The following LACRT variants were observed in gnomAD, a reference collection of about 807,000 sequenced individuals.
LACRT encodes lacritin.
In LACRT, 14 loss-of-function variants were observed where a neutral mutation model predicts 14.5. The ratio of observed to expected loss-of-function variants is 0.96; its 90% CI spans 0.64 to 1.51. The LOEUF (loss-of-function observed/expected upper bound fraction) is 1.51, where lower values mean the gene tolerates loss of function less well. Ranked by LOEUF, LACRT falls within the 40% of genes most tolerant of loss-of-function variation. The pLI is 0.00. For missense variants in LACRT, 156 were observed against 161.8 expected (o/e 0.96, Z 0.19); for synonymous variants, 70 against 63.5 (o/e 1.10, Z -0.48).
rs200172407 is a variant in LACRT, at chr12:54,631,814, T to A, written c.279A>T (p.Leu93Phe). The A allele has an allele frequency of 6.2e-7, 1 of 1,613,628 alleles. No homozygotes were observed. The highest frequency in any genetic ancestry group is 2.2e-5 in the East Asian group (1 of 44,876). Residue 93 changes from leucine to phenylalanine, a missense_variant, in exon 4 of 5, where the codon TTA (leucine) becomes TTT (phenylalanine). Leu to Phe is a conservative substitution (Grantham distance 22). Transcript: ENST00000257867. ...CTTTTGCAAGGGCTTGTTCTGTTAGTAAGATACTTTTCTCCACTATGGATT... is the reference window on the plus strand; with the variant it reads ...CTTTTGCAAGGGCTTGTTCTGTTAGAAAGATACTTTTCTCCACTATGGATT... ...PLKSIVEKSI[L>F]LTEQALAKAG...
At chr12:54,633,281 C>T (rs777806938) in intron 1 of LACRT, 48 bp from the exon 2 acceptor site, 13 of 1,536,968 alleles carry the variant, frequency 8.5e-6, no homozygotes, top group Admixed American at 1.7e-5. Context: ...CGAACCGGAC[C>T]TACTCGAGCC....
intron 4 of LACRT, 28 bp from the exon 5 acceptor site, chr12:54,630,981 C>A (rs1958148869): frequency 6.8e-7 from 1 of 1,461,692 alleles, no homozygotes; most frequent in Non-Finnish European, 9.6e-7. Context: ...ACAAATGAGG[C>A]TTTTAGGACC....
intron 4 of LACRT, 114 bp from the exon 5 acceptor site, chr12:54,631,067 G>A (rs1011408739): frequency 1.3e-5 from 9 of 694,192 alleles, no homozygotes; most frequent in Non-Finnish European, 2.3e-5. Context: ...ACTCTGGAGA[G>A]GCTTACACAG....
chr12:54,633,219 C>T lies in LACRT; in HGVS notation c.73G>A (p.Asp25Asn), dbSNP rs1340727996. 6 of 1,613,898 alleles carry T rather than the reference C, an allele frequency of 3.7e-6. No homozygotes were observed. The highest frequency in any genetic ancestry group is 4.2e-6 in the Non-Finnish European group (5 of 1,179,912). The change falls in exon 2 of 5, where the codon GAC becomes AAC. Residue 25 changes from aspartate to asparagine, a missense_variant. Physicochemically the swap from Asp to Asn is conservative, Grantham distance 23. Transcript: ENST00000257867. ...ALVYAEDASS[D>N]STGADPAQEA... ...TGGGCAGGATCAGCACCCGTCGAGT[C>T]AGAGGAGGCATCTTCTGCAATGGGG...
intron 3 of LACRT, 196 bp downstream of exon 3, chr12:54,632,045 T>G (rs1417246254): frequency 2.9e-6 from 2 of 685,410 alleles, no homozygotes; most frequent in African/African-American, 1.8e-5. Context: ...AACCATGTAT[T>G]GTGCAGGCTG....
At chr12:54,632,106 AT>A in intron 3 of LACRT, 134 bp downstream of exon 3, 2 of 986,822 alleles carry the variant, frequency 2.0e-6, no homozygotes, top group Non-Finnish European at 3.1e-6. Context: ...GCACAATCCC[AT>A]TTGTGCCTTT....
chr12:54,633,335 A>C (rs1274606115), intron 1 of LACRT, 102 bp from the exon 2 acceptor site: 1 of 1,042,114 alleles, frequency 9.6e-7, no homozygotes, highest in Non-Finnish European at 1.5e-6. Context: ...GGGAATGCTC[A>C]TGGATAGAAG....
At chr12:54,632,960 C>T (rs1053258247) in intron 2 of LACRT, among the ~76,000 whole-genome samples, 11 of 152,074 alleles carry the variant, frequency 7.2e-5, no homozygotes, top group Non-Finnish European at 5.9e-5. Flanking sequence ...CCCCATGCTC[C>T]CTATTGTCCT....
Position 54,633,227 on chromosome 12 carries a change from G to A in LACRT, c.65C>T (p.Ala22Val). The part of the protein sequence containing the change: ...VAGALVYAED[A>V]SSDSTGADPA... ...ATCAGCACCCGTCGAGTCAGAGGAG[G>A]CATCTTCTGCAATGGGGGAAACATG... The change falls in exon 2 of 5, where the codon GCC (alanine) becomes GTC (valine). Residue 22 changes from alanine to valine, a missense_variant. Ala to Val is a moderately conservative substitution (Grantham distance 64). Transcript: ENST00000257867. 1 of 1,613,752 alleles carries A rather than the reference G, an allele frequency of 6.2e-7. No individual in the cohort carries two copies. Among genetic ancestry groups the A allele is most frequent in the African/African-American group, 1.3e-5 (1 of 75,002 alleles).
In LACRT at chr12:54,630,975, A is replaced by G. The variant is rs201574288; in HGVS notation, c.356-22T>C. ...CCATCTAGAAGGAAAGATGAGACAA[A>G]TGAGGCTTTTAGGACCCCAGGCACC... is the stretch of plus-strand genomic sequence containing the variant. On this transcript the variant is annotated intron_variant, in intron 4 of 4. Transcript: ENST00000257867. 2.8e-4 allele frequency: 434 copies of G among 1,571,456 alleles called. 3 individuals are homozygous for G. In the South Asian group the frequency reaches 4.1e-3, roughly 15 times the overall value.
Position 54,632,375 on chromosome 12 carries a change from G to A in LACRT, c.119C>T (p.Pro40Leu). 1 of 1,613,836 alleles carries A rather than the reference G, an allele frequency of 6.2e-7. No homozygotes were observed. The highest frequency in any genetic ancestry group is 8.5e-7 in the Non-Finnish European group (1 of 1,179,892). Residue 40 changes from proline (P) to leucine (L), a missense_variant, in exon 3 of 5, where the codon CCT becomes CTT. Physicochemically the swap from Pro to Leu is moderately conservative, Grantham distance 98. Coordinates refer to ENST00000257867, the MANE Select transcript of LACRT (RefSeq NM_033277.2). ...TGCTGGACCTGAGATCTCTTCATTA[G>A]GCTTAGCTGTGAATGCACAAATTGA... ...DPAQEAGTSK[P>L]NEEISGPAEP...
At chr12:54,632,791 G>A (rs149830332) in intron 2 of LACRT, among the ~76,000 whole-genome samples, 279 of 152,274 alleles carry the variant, frequency 1.8e-3, no homozygotes, top group African/African-American at 6.2e-3. Flanking sequence ...CATGGAAAAT[G>A]GGGTTGGAAA....
At chr12:54,634,351 CAA>C (rs10561513) in intron 1 of LACRT, among the ~76,000 whole-genome samples, 3,525 of 94,982 alleles carry the variant, frequency 0.037, 61 homozygotes, top group African/African-American at 0.086. Flanking sequence ...GACTCGGTCT[CAA>C]AAAAAAAAAA....
intron 1 of LACRT, among the ~76,000 whole-genome samples, chr12:54,633,562 A>T (rs1159983278): frequency 1.3e-5 from 2 of 151,802 alleles, no homozygotes; most frequent in African/African-American, 4.8e-5. Context: ...GAGGGGCTCA[A>T]CCTCCTCTGT....
intron 1 of LACRT, among the ~76,000 whole-genome samples, chr12:54,633,954 A>G (rs1958170522): frequency 6.6e-6 from 1 of 152,138 alleles, no homozygotes; most frequent in East Asian, 1.9e-4. Flanking sequence ...GGAAGGGGCC[A>G]GGGAGAGGGA....
intron 2 of LACRT, 108 bp from the exon 3 acceptor site, chr12:54,632,489 A>C: frequency 2.3e-6 from 3 of 1,317,354 alleles, no homozygotes; most frequent in Non-Finnish European, 3.2e-6. Flanking sequence ...GCCAGGATAC[A>C]GAAGTGATAT....
Position 54,632,225 on chromosome 12 carries a change from A to T in LACRT, c.253+16T>A, listed in dbSNP as rs747242701. Reference sequence around the variant, plus strand: ...CTTTTCTAGGTTGTTGATCTGGCATAGAGACAGAGACTTACTCAGGGGGTT... The same window carrying T: ...CTTTTCTAGGTTGTTGATCTGGCATTGAGACAGAGACTTACTCAGGGGGTT... On this transcript the variant is annotated intron_variant, in intron 3 of 4. Transcript: ENST00000257867. 1.2e-6 allele frequency: 2 copies of T among 1,613,814 alleles called. No individual in the cohort carries two copies. Among genetic ancestry groups the T allele is most frequent in the South Asian group, 2.2e-5 (2 of 91,064 alleles).
At chr12:54,631,699 T>A in intron 4 of LACRT, 39 bp downstream of exon 4, 1 of 1,463,812 alleles carries the variant, frequency 6.8e-7, no homozygotes, top group Non-Finnish European at 9.6e-7. Context: ...GTGGTGAGTA[T>A]TCTCATTCCC....
In LACRT at chr12:54,632,396, A is replaced by G; in HGVS notation, c.113-15T>C. 6.2e-7 allele frequency: 1 copy of G among 1,612,666 alleles called. No homozygotes were observed. Among genetic ancestry groups the G allele is most frequent in the Non-Finnish European group, 8.5e-7 (1 of 1,179,310 alleles). ...ATTAGGCTTAGCTGTGAATGCACAA[A>G]TTGATGGATTTTAGCAAAGTGAAAG... On this transcript the variant is annotated splice_polypyrimidine_tract_variant and intron_variant, in intron 2 of 4. Coordinates refer to ENST00000257867, the MANE Select transcript of LACRT (RefSeq NM_033277.2).
Sources: allele counts gnomAD v4.1 joint callset (sites outside exome capture counted in the v4.1 genomes callset), GRCh38; gene constraint gnomAD v4.1.1; transcripts MANE v1.5; gene names NCBI Gene and HGNC (gene_info 2026-07-23, HGNC 2026-07-21).